ASAP2: variants seen among roughly 807,000 people sequenced by gnomAD.
ASAP2 encodes arf-GAP with SH3 domain, ANK repeat and PH domain-containing protein 2.
In ASAP2, 45 loss-of-function variants were observed where a neutral mutation model predicts 131.4. The observed-to-expected ratio is 0.34, with a 90% CI of 0.27 to 0.44. ASAP2 has a LOEUF of 0.44. ASAP2 is among the 20% of genes least tolerant of loss of function. The pLI is 1.00. For missense variants in ASAP2, 1,011 were observed against 1,297.0 expected (o/e 0.78, Z 3.39); for synonymous variants, 510 against 503.0 (o/e 1.01, Z -0.19).
chr2:9,293,028 G>A (rs1667916507), intron 2 of ASAP2, among the ~76,000 whole-genome samples: 1 of 152,206 alleles, frequency 6.6e-6, no homozygotes, highest in Admixed American at 6.5e-5. Flanking sequence ...AGCCATTCTT[G>A]TCCTTTTTGT....
chr2:9,272,992 T>C (rs762592822), intron 1 of ASAP2, among the ~76,000 whole-genome samples: 15 of 152,102 alleles, frequency 9.9e-5, no homozygotes, highest in Admixed American at 2.0e-4. Flanking sequence ...GTTCCTCCAG[T>C]TTTGTTCTTT....
chr2:9,368,730 G>C (rs1018941307), intron 16 of ASAP2, among the ~76,000 whole-genome samples: 1 of 152,002 alleles, frequency 6.6e-6, no homozygotes, highest in African/African-American at 2.4e-5. Flanking sequence ...GGCAGGTTTC[G>C]CAGATGCTGT....
intron 1 of ASAP2, among the ~76,000 whole-genome samples, chr2:9,224,562 A>G (rs1662636045): frequency 6.6e-6 from 1 of 152,200 alleles, no homozygotes; most frequent in African/African-American, 2.4e-5. Context: ...AAACAATTAG[A>G]GAAGCAGGAA....
intron 1 of ASAP2, among the ~76,000 whole-genome samples, chr2:9,260,939 G>A (rs115536382): frequency 0.016 from 2,389 of 152,304 alleles, 34 homozygotes; most frequent in Non-Finnish European, 0.025. Flanking sequence ...TGGTTACCCA[G>A]GGTGGTTAGG....
In ASAP2 at chr2:9,389,238, C is replaced by T. The variant is rs576756019; in HGVS notation, c.2383+692C>T. On this transcript the variant is annotated intron_variant, in intron 22 of 27. Coordinates refer to ENST00000281419, the MANE Select transcript of ASAP2 (RefSeq NM_003887.3). This position sits in a 1 kb window ranked among gnomAD's most constrained non-coding sequence, Gnocchi z 4.7. The stretch of plus-strand genomic sequence containing the variant: ...TCTTGAAGGCAGGTCCGGCGAGTGA[C>T]CCACTCAGCTCTGGGCTGAGCTCCA... Among the ~76,000 whole-genome samples the T allele has an allele frequency of 3.9e-5, 6 of 152,228 alleles. No homozygotes were observed. The highest frequency in any genetic ancestry group is 8.8e-5 in the Non-Finnish European group (6 of 68,046).
chr2:9,361,225 C>G (rs1461386305), intron 15 of ASAP2, among the ~76,000 whole-genome samples: 3 of 152,146 alleles, frequency 2.0e-5, no homozygotes, highest in Non-Finnish European at 4.4e-5. Context: ...TTAAACTCTC[C>G]CTTACCCAAG....
intron 1 of ASAP2, among the ~76,000 whole-genome samples, chr2:9,254,180 C>T (rs1664926573): frequency 8.4e-6 from 1 of 119,574 alleles, no homozygotes; most frequent in South Asian, 2.8e-4. Flanking sequence ...CACTGCACTC[C>T]AGCCTGGGGA....
intron 1 of ASAP2, among the ~76,000 whole-genome samples, chr2:9,275,590 C>T (rs143354243): frequency 6.6e-6 from 1 of 152,314 alleles, no homozygotes; most frequent in Admixed American, 6.5e-5. Flanking sequence ...TTTGCGTAGC[C>T]TCTCCCTGAA....
At chr2:9,251,402 G>A (rs2148135102) in intron 1 of ASAP2, among the ~76,000 whole-genome samples, 1 of 152,152 alleles carries the variant, frequency 6.6e-6, no homozygotes, top group Non-Finnish European at 1.5e-5. Flanking sequence ...GCCCAGACCT[G>A]GGGAATCTGG....
chr2:9,306,697 T>A (rs1668966674), intron 3 of ASAP2, among the ~76,000 whole-genome samples: 1 of 152,010 alleles, frequency 6.6e-6, no homozygotes, highest in Non-Finnish European at 1.5e-5. Context: ...GCTGAGGGAA[T>A]TGTCAGCGAA....
At chr2:9,334,681 A>T in intron 7 of ASAP2, 57 bp from the exon 8 acceptor site, 1 of 1,530,752 alleles carries the variant, frequency 6.5e-7, no homozygotes, top group Non-Finnish European at 9.0e-7. Context: ...AATCTGTCTG[A>T]CAAAATTATT....
At chr2:9,385,380 A>C in intron 21 of ASAP2, 22 bp downstream of exon 21, 1 of 1,577,438 alleles carries the variant, frequency 6.3e-7, no homozygotes, top group Non-Finnish European at 8.7e-7. Flanking sequence ...GTTGCTAACC[A>C]TTAAGAGTTT....
chr2:9,331,749 C>G (rs977688055), intron 7 of ASAP2, among the ~76,000 whole-genome samples: 2 of 151,368 alleles, frequency 1.3e-5, no homozygotes, highest in African/African-American at 4.9e-5. Context: ...GCCTGGGCGA[C>G]AGAGCGATTT....
intron 24 of ASAP2, among the ~76,000 whole-genome samples, chr2:9,395,604 T>TC (rs1676077357): frequency 1.1e-5 from 1 of 93,100 alleles, no homozygotes; most frequent in East Asian, 3.4e-4. Context: ...CTTTTTTTTT[T>TC]TTTTTTTTTT....
At chr2:9,208,188 G>T (rs538097260) in intron 1 of ASAP2, among the ~76,000 whole-genome samples, 1 of 152,140 alleles carries the variant, frequency 6.6e-6, no homozygotes, top group South Asian at 2.1e-4. Context: ...GAAGTGCTTA[G>T]CACTCTGCTC....
intron 1 of ASAP2, among the ~76,000 whole-genome samples, chr2:9,236,903 C>T (rs936827698): frequency 6.6e-6 from 1 of 152,066 alleles, no homozygotes; most frequent in African/African-American, 2.4e-5. Flanking sequence ...AAGGACAGGG[C>T]AATATCTGAG....
rs1676994123 is a variant in ASAP2 at position 9,404,219 on chromosome 2, T to G, written c.*892T>G. The G allele has an allele frequency of 6.6e-6, 1 of 152,258 alleles. No individual in the cohort carries two copies. Among genetic ancestry groups the G allele is most frequent in the Non-Finnish European group, 1.5e-5 (1 of 68,048 alleles). 9.4% of individuals were successfully genotyped at this position (152,258 alleles called of 1,614,324 possible). On this transcript the variant is annotated 3_prime_UTR_variant, in exon 28 of 28. Coordinates refer to ENST00000281419, the MANE Select transcript of ASAP2 (RefSeq NM_003887.3). ...ATCACTTGCTGTTTCCTACTGAGTGTACCACTGCCTTCCCTTCTAGCCCAG... is the reference window on the plus strand; with the variant it reads ...ATCACTTGCTGTTTCCTACTGAGTGGACCACTGCCTTCCCTTCTAGCCCAG...
chr2:9,311,150 G>C lies in ASAP2; in HGVS notation c.346-7374G>C, dbSNP rs1326717742. On this transcript the variant is annotated intron_variant, in intron 3 of 27. Coordinates refer to ENST00000281419, the MANE Select transcript of ASAP2 (RefSeq NM_003887.3). The surrounding 1 kb of genome is among the most constrained non-coding windows in gnomAD (Gnocchi z 5.2). ...CTCATGCCTATAGTCCCAGCACTTT[G>C]GGAGGCTGAGGTGGGTAGGTTGCTT... Among the ~76,000 whole-genome samples the C allele has an allele frequency of 1.3e-5, 2 of 152,162 alleles. No homozygotes were observed. Among genetic ancestry groups the C allele is most frequent in the Non-Finnish European group, 2.9e-5 (2 of 68,032 alleles).
intron 12 of ASAP2, among the ~76,000 whole-genome samples, chr2:9,353,959 A>C (rs1259573532): frequency 6.6e-6 from 1 of 152,110 alleles, no homozygotes; most frequent in African/African-American, 2.4e-5. Context: ...TGGGTAATAG[A>C]GGGAGACCTT....
Sources: allele counts gnomAD v4.1 joint callset (sites outside exome capture counted in the v4.1 genomes callset), GRCh38; gene constraint gnomAD v4.1.1; non-coding constraint Gnocchi (gnomAD v3.1); transcripts MANE v1.5; gene names NCBI Gene and HGNC (gene_info 2026-07-23, HGNC 2026-07-21).